OPTN: variants seen among roughly 807,000 people sequenced by gnomAD.
OPTN encodes the protein E3-14.7K-interacting protein.
A neutral mutation model predicts 70.4 loss-of-function variants in OPTN; 54 were observed. That is an observed-to-expected ratio of 0.77 (90% CI 0.62 to 0.96). The LOEUF (loss-of-function observed/expected upper bound fraction) is 0.96, where lower values mean the gene tolerates loss of function less well. OPTN is among the 40% of genes least tolerant of loss of function. OPTN has a pLI of 0.00. For missense variants in OPTN, 624 were observed against 673.2 expected (o/e 0.93, Z 0.81); for synonymous variants, 256 against 248.5 (o/e 1.03, Z -0.28).
chr10:13,116,021 C>T (rs530119038), intron 5 of OPTN, among the ~76,000 whole-genome samples: 5 of 152,108 alleles, frequency 3.3e-5, no homozygotes, highest in East Asian at 1.9e-4. Context: ...ATGTGTATGG[C>T]GAGATGAAAC....
At chr10:13,125,306 A>C in intron 9 of OPTN, 112 bp from the exon 10 acceptor site, 1 of 1,186,702 alleles carries the variant, frequency 8.4e-7, no homozygotes. Flanking sequence ...TTGCATTCAT[A>C]AACCCTACAG....
chr10:13,103,582 A>G (rs1832794975), intron 1 of OPTN, among the ~76,000 whole-genome samples: 1 of 152,228 alleles, frequency 6.6e-6, no homozygotes, highest in Non-Finnish European at 1.5e-5. Flanking sequence ...CTATAGGATC[A>G]TGTGCCATCG....
chr10:13,122,613 T>G lies in OPTN; in HGVS notation c.882+126T>G, dbSNP rs1588445840. On this transcript the variant is annotated intron_variant, in intron 8 of 14. Transcript: ENST00000378747. ...TAGAAATCATGTTGATATTGAATATTATCTATCTATTCCTTTTATATGTCC... is the reference window on the plus strand; with the variant it reads ...TAGAAATCATGTTGATATTGAATATGATCTATCTATTCCTTTTATATGTCC... The G allele has an allele frequency of 2.2e-5, 16 of 732,110 alleles. 1 individual carries two copies. The East Asian group carries it at 4.3e-4, about 20-fold the overall frequency. 45.4% of individuals were successfully genotyped at this position (732,110 alleles called of 1,614,324 possible). A position where few individuals can be genotyped will look rare whatever the true frequency, so the allele number is the denominator to read the frequency against.
At chr10:13,111,057 A>G (rs1310413397) in intron 4 of OPTN, among the ~76,000 whole-genome samples, 2 of 152,204 alleles carry the variant, frequency 1.3e-5, no homozygotes, top group African/African-American at 2.4e-5. Context: ...GTCAAAGATG[A>G]TAGTAATGAC....
intron 1 of OPTN, among the ~76,000 whole-genome samples, chr10:13,107,925 C>CT (rs1832903498): frequency 6.6e-6 from 1 of 152,240 alleles, no homozygotes; most frequent in Middle Eastern, 3.4e-3. Context: ...ACATGTTTGC[C>CT]TGGGTGGTTG....
At position 13,109,105 on chromosome 10, in the gene OPTN, T is replaced by C. The variant is rs1832935553; in HGVS notation, c.-11-7T>C. 1.9e-6 allele frequency: 3 copies of C among 1,613,614 alleles called. No homozygotes were observed. The highest frequency in any genetic ancestry group is 2.5e-6 in the Non-Finnish European group (3 of 1,179,944). On this transcript the variant is annotated splice_polypyrimidine_tract_variant and splice_region_variant and intron_variant, in intron 2 of 14. Coordinates refer to ENST00000378747, the MANE Select transcript of OPTN (RefSeq NM_001008212.2). ...AGCTCTATTTTCAACAGGTGACTTT[T>C]CCACAGGAACTTCTGCAATGTCCCA...
upstream of OPTN, chr10:13,100,156 G>GC (rs1385095804): frequency 6.5e-6 from 1 of 153,388 alleles, no homozygotes; most frequent in Admixed American, 6.5e-5. Flanking sequence ...TCAGCCCTAG[G>GC]CACCCCAGTC....
chr10:13,120,128 G>A (rs1761796), intron 7 of OPTN, among the ~76,000 whole-genome samples: 121,957 of 150,204 alleles, frequency 0.81, 49,669 homozygotes, highest in Middle Eastern at 0.94. Context: ...GACTACAGGC[G>A]CCCGCCACCA....
chr10:13,115,559 A>G (rs1454420511), intron 5 of OPTN, among the ~76,000 whole-genome samples: 1 of 127,778 alleles, frequency 7.8e-6, no homozygotes, highest in African/African-American at 2.9e-5. Flanking sequence ...TACATTATAT[A>G]TTATACAATT....
At position 13,109,181 on chromosome 10, in the gene OPTN, C is replaced by A; in HGVS notation, c.59C>A (p.Thr20Lys). The A allele has an allele frequency of 6.2e-7, 1 of 1,614,048 alleles. No homozygotes were observed. Among genetic ancestry groups the A allele is most frequent in the South Asian group, 1.1e-5 (1 of 91,072 alleles). Residue 20 changes from threonine to lysine, a missense_variant, in exon 3 of 15, where the codon ACA becomes AAA. By Grantham distance (78) the Thr-to-Lys change is moderately conservative (BLOSUM62 -1). Coordinates refer to ENST00000378747, the MANE Select transcript of OPTN (RefSeq NM_001008212.2). ...TEKEDSPSES[T>K]GNGPPHLAHP... ...AAGGAGGACAGCCCCAGTGAAAGCA[C>A]AGGAAATGGACCCCCCCACCTGGCC...
At chr10:13,110,233 C>T (rs1365068573) in intron 3 of OPTN, 41 bp from the exon 4 acceptor site, 3 of 1,608,586 alleles carry the variant, frequency 1.9e-6, no homozygotes, top group Non-Finnish European at 1.7e-6. Context: ...ATCAAGTCCA[C>T]TTTCCTGGTG....
chr10:13,111,865 T>C (rs1175348807), intron 4 of OPTN, among the ~76,000 whole-genome samples: 2 of 134,594 alleles, frequency 1.5e-5, no homozygotes, highest in African/African-American at 5.6e-5. Flanking sequence ...TTTTTTTTTT[T>C]GAGATGGAGT....
At chr10:13,135,611 C>T (rs1029758734) in intron 14 of OPTN, among the ~76,000 whole-genome samples, 1 of 151,868 alleles carries the variant, frequency 6.6e-6, no homozygotes, top group African/African-American at 2.4e-5. Flanking sequence ...TTCTCCACCA[C>T]GTCTGTCTCC....
intron 8 of OPTN, 27 bp downstream of exon 8, chr10:13,122,514 A>G: frequency 1.4e-6 from 2 of 1,423,682 alleles, no homozygotes; most frequent in Non-Finnish European, 2.0e-6. Context: ...CACGGCCACT[A>G]CCACACCCAC....
chr10:13,107,993 G>A (rs1832904791), intron 1 of OPTN, 145 bp from the exon 2 acceptor site: 1 of 152,288 alleles, frequency 6.6e-6, no homozygotes, highest in African/African-American at 2.4e-5. Context: ...ATGTCCACAT[G>A]GATGCCTCTA....
At position 13,137,024 on chromosome 10, in the gene OPTN, A is replaced by G; in HGVS notation, c.*158A>G. 1 of 921,526 alleles carries G rather than the reference A, an allele frequency of 1.1e-6. No individual in the cohort carries two copies. The highest frequency in any genetic ancestry group is 1.7e-6 in the Non-Finnish European group (1 of 584,534). The allele number at this position is 921,526 out of a possible 1,614,324, so 57.1% of individuals were successfully genotyped here. ...GCCGGGCACAGTGGCTCATGCCTGTAATCCCAGCACTTTGGGAGGTCGAGG... is the reference window on the plus strand; with the variant it reads ...GCCGGGCACAGTGGCTCATGCCTGTGATCCCAGCACTTTGGGAGGTCGAGG... On this transcript the variant is annotated 3_prime_UTR_variant, in exon 15 of 15. Transcript: ENST00000378747.
chr10:13,104,373 C>T (rs943156685), intron 1 of OPTN, among the ~76,000 whole-genome samples: 1 of 147,758 alleles, frequency 6.8e-6, no homozygotes, highest in Admixed American at 6.9e-5. Flanking sequence ...GATTCTCATG[C>T]CTCAGCTCCC....
intron 5 of OPTN, among the ~76,000 whole-genome samples, chr10:13,113,936 A>G (rs1833065996): frequency 1.3e-5 from 2 of 152,050 alleles, no homozygotes; most frequent in African/African-American, 4.8e-5. Context: ...ACATTGGCAC[A>G]CACCTGTACT....
chr10:13,133,950 A>T (rs1319628130), intron 14 of OPTN, among the ~76,000 whole-genome samples: 2 of 152,102 alleles, frequency 1.3e-5, no homozygotes, highest in African/African-American at 4.8e-5. Context: ...CTGGAATTAC[A>T]GGCGTGCACC....
Sources: allele counts gnomAD v4.1 joint callset (sites outside exome capture counted in the v4.1 genomes callset), GRCh38; gene constraint gnomAD v4.1.1; transcripts MANE v1.5; gene names NCBI Gene and HGNC (gene_info 2026-07-23, HGNC 2026-07-21).